DYNC1I2: variants seen among roughly 807,000 people sequenced by gnomAD.
The protein encoded by DYNC1I2 is dynein cytoplasmic 1 intermediate chain 2.
A neutral mutation model predicts 88.6 loss-of-function variants in DYNC1I2; 53 were observed. That is an observed-to-expected ratio of 0.60 (90% CI 0.48 to 0.75). The LOEUF is 0.75. Ranked by LOEUF, DYNC1I2 falls within the 30% of genes least tolerant of loss-of-function variation. The pLI, the probability that DYNC1I2 is intolerant of heterozygous loss-of-function variation, is 0.00. For missense variants in DYNC1I2, 458 were observed against 766.6 expected (o/e 0.60, Z 4.75); for synonymous variants, 198 against 254.6 (o/e 0.78, Z 2.12).
chr2:171,697,470 C>G (rs1161208676), intron 3 of DYNC1I2, among the ~76,000 whole-genome samples: 1 of 152,092 alleles, frequency 6.6e-6, no homozygotes, highest in Non-Finnish European at 1.5e-5. Flanking sequence ...GCTTTTATCC[C>G]TTATATTTCC....
chr2:171,732,814 G>A (rs1688714471), intron 15 of DYNC1I2, among the ~76,000 whole-genome samples: 1 of 152,130 alleles, frequency 6.6e-6, no homozygotes, highest in African/African-American at 2.4e-5. Flanking sequence ...ACACATTTTT[G>A]TTAGATTGTT....
At chr2:171,739,499 A>G (rs1332786530) in intron 15 of DYNC1I2, among the ~76,000 whole-genome samples, 1 of 152,094 alleles carries the variant, frequency 6.6e-6, no homozygotes, top group African/African-American at 2.4e-5. Flanking sequence ...CATTTCAACT[A>G]TAAATATTCA....
At position 171,745,889 on chromosome 2, in the gene DYNC1I2, G is replaced by A. The variant is rs530838796; in HGVS notation, c.1765G>A (p.Asp589Asn). ...THSGREIAVG[D>N]SEGQIVIYDV... is the part of the protein sequence containing the mutation. Reference sequence around the variant, plus strand: ...TTCTGGCAGAGAGATTGCTGTGGGTGATTCTGAAGGACAGATTGTTATATA... The same window carrying A: ...TTCTGGCAGAGAGATTGCTGTGGGTAATTCTGAAGGACAGATTGTTATATA... The change falls in exon 17 of 18, where the codon GAT (aspartate) becomes AAT (asparagine). Residue 589 changes from aspartate to asparagine, a missense_variant. Asp to Asn is a conservative substitution (Grantham distance 23, BLOSUM62 1). This residue lies in a region of DYNC1I2 where 188 missense variants were observed against 300.4 expected (regional missense o/e 0.63). Coordinates refer to ENST00000397119, the MANE Select transcript of DYNC1I2 (RefSeq NM_001378.3). The A allele has an allele frequency of 7.7e-5, 124 of 1,613,818 alleles. 1 individual carries two copies. The South Asian group carries it at 1.3e-3, about 17-fold the overall frequency.
intron 17 of DYNC1I2, among the ~76,000 whole-genome samples, chr2:171,747,447 T>TA (rs957963282): frequency 2.7e-5 from 4 of 149,664 alleles, no homozygotes; most frequent in Non-Finnish European, 4.5e-5. Flanking sequence ...AAGAATACAG[T>TA]AAAAAAAAAA....
chr2:171,693,071 T>C (rs1259017936), intron 3 of DYNC1I2, 177 bp downstream of exon 3: 1 of 579,096 alleles, frequency 1.7e-6, no homozygotes, highest in African/African-American at 1.9e-5. Context: ...TTATTTTATT[T>C]GTTCAAAAGA....
intron 15 of DYNC1I2, among the ~76,000 whole-genome samples, chr2:171,734,321 G>T (rs915245429): frequency 2.0e-5 from 3 of 152,178 alleles, no homozygotes; most frequent in African/African-American, 7.2e-5. Context: ...AACTTATCTT[G>T]TGATAGCAGA....
chr2:171,692,117 A>T (rs1423584705), intron 2 of DYNC1I2, among the ~76,000 whole-genome samples: 2 of 152,188 alleles, frequency 1.3e-5, no homozygotes, highest in African/African-American at 4.8e-5. Context: ...TGGAAAGCTT[A>T]CATTTTACTT....
At chr2:171,700,097 C>T (rs925029592) in intron 3 of DYNC1I2, among the ~76,000 whole-genome samples, 22 of 152,072 alleles carry the variant, frequency 1.4e-4, no homozygotes, top group Admixed American at 1.4e-3. Context: ...TCAGTTAGAG[C>T]TTTAGTGATC....
chr2:171,706,923 G>T, intron 4 of DYNC1I2: 1 of 413,514 alleles, frequency 2.4e-6, no homozygotes, highest in Non-Finnish European at 4.3e-6. Flanking sequence ...TTATAATCTG[G>T]TGATATTAAA....
chr2:171,708,061 T>TCACACA (rs758094120), intron 5 of DYNC1I2, among the ~76,000 whole-genome samples: 9 of 137,718 alleles, frequency 6.5e-5, no homozygotes, highest in African/African-American at 1.0e-4. Flanking sequence ...TTCCTCTTTG[T>TCACACA]CTCTCTCACA....
chr2:171,728,143 C>T (rs763240957), intron 12 of DYNC1I2, among the ~76,000 whole-genome samples, 162 bp from the exon 13 acceptor site: 1 of 151,830 alleles, frequency 6.6e-6, no homozygotes, highest in Non-Finnish European at 1.5e-5. Context: ...ATTAGAAACT[C>T]ATCTCTCTTC....
intron 15 of DYNC1I2, among the ~76,000 whole-genome samples, chr2:171,738,960 C>A (rs534631447): frequency 6.6e-6 from 1 of 152,206 alleles, no homozygotes; most frequent in South Asian, 2.1e-4. Flanking sequence ...GCCAGCCTGG[C>A]CAACATGGTG....
intron 15 of DYNC1I2, among the ~76,000 whole-genome samples, chr2:171,738,056 G>A (rs934264033): frequency 1.3e-5 from 2 of 152,078 alleles, no homozygotes; most frequent in African/African-American, 4.8e-5. Context: ...ACTCAGCCAG[G>A]CGCAGTAGCT....
chr2:171,726,176 T>G lies in DYNC1I2; in HGVS notation c.771-18T>G, dbSNP rs752995751. 4 of 1,596,732 alleles carry G rather than the reference T, an allele frequency of 2.5e-6. No individual in the cohort carries two copies. The South Asian group carries it at 3.4e-5, about 14-fold the overall frequency. ...GTTATAACACCATCTTTTTGGGGGG[T>G]TTGGTCTTTTTTTGTAGAGAGATTC... is the stretch of plus-strand genomic sequence containing the variant. On this transcript the variant is annotated intron_variant, in intron 9 of 17. Coordinates refer to ENST00000397119, the MANE Select transcript of DYNC1I2 (RefSeq NM_001378.3).
At chr2:171,709,892 T>G (rs2105560548) in intron 5 of DYNC1I2, among the ~76,000 whole-genome samples, 1 of 152,194 alleles carries the variant, frequency 6.6e-6, no homozygotes, top group African/African-American at 2.4e-5. Flanking sequence ...TAATTTTGTA[T>G]TTTTAGTAAA....
Position 171,742,422 on chromosome 2 carries a change from T to C in DYNC1I2, c.1537-1627T>C, listed in dbSNP as rs141322693. Among the ~76,000 whole-genome samples the C allele has an allele frequency of 4.9e-3, 750 of 152,328 alleles. 5 individuals carry two copies. The highest frequency in any genetic ancestry group is 0.017 in the African/African-American group (705 of 41,572). ...CCTGAGCTCATGTGATCCACCCACC[T>C]TGGCTTCTCAAAGTGCTGGGATTAC... On this transcript the variant is annotated intron_variant, in intron 15 of 17. Coordinates refer to ENST00000397119, the MANE Select transcript of DYNC1I2 (RefSeq NM_001378.3).
chr2:171,744,278 ATGTAAAAGGGTTC>A lies in DYNC1I2; in HGVS notation c.1677+93_1677+105del. On this transcript the variant is annotated intron_variant, in intron 16 of 17. Transcript: ENST00000397119. ...TGTGAAATTCCTTTTTTTCCAAAGAATGTAAAAGGGTTCTGTGATTGTAGATTCATCACAAAGA... is the reference window on the plus strand; with the variant it reads ...TGTGAAATTCCTTTTTTTCCAAAGAATGTGATTGTAGATTCATCACAAAGA... 3.0e-6 allele frequency: 4 copies of A among 1,351,208 alleles called. No homozygotes were observed. In the South Asian group the frequency reaches 6.2e-5, roughly 21 times the overall value. 83.7% of individuals were successfully genotyped at this position (1,351,208 alleles called of 1,614,324 possible). A position where few individuals can be genotyped will look rare whatever the true frequency, so the allele number is the denominator to read the frequency against.
At chr2:171,708,980 A>C (rs1686899155) in intron 5 of DYNC1I2, among the ~76,000 whole-genome samples, 1 of 152,192 alleles carries the variant, frequency 6.6e-6, no homozygotes, top group Admixed American at 6.5e-5. Flanking sequence ...GGCATGAGCC[A>C]CTGCACCCAG....
At chr2:171,746,040 G>A in intron 17 of DYNC1I2, 113 bp downstream of exon 17, 2 of 1,101,802 alleles carry the variant, frequency 1.8e-6, no homozygotes, top group Admixed American at 5.3e-5. Context: ...AAACTATATG[G>A]TTGTAAAGAT....
Sources: gnomAD v4.1 joint callset for allele counts (sites outside exome capture counted in the v4.1 genomes callset) on GRCh38, gnomAD v4.1.1 for gene constraint, gnomAD v4.1.1 regional missense constraint, MANE v1.5 for transcripts, NCBI Gene and HGNC (gene_info 2026-07-23, HGNC 2026-07-21) for gene names.